The following MAPKAPK5 variants were observed in gnomAD, a reference collection of about 807,000 sequenced individuals.
MAPKAPK5 encodes the protein MAPK activated protein kinase 5, also known as MAP kinase-activated protein kinase 5.
Under a neutral mutation model 65.1 loss-of-function variants are expected in MAPKAPK5, and 30 were observed. The observed-to-expected ratio is 0.46, with a 90% confidence interval of 0.34 to 0.63. The LOEUF (loss-of-function observed/expected upper bound fraction) is 0.63, where lower values mean the gene tolerates loss of function less well. Ranked by LOEUF, MAPKAPK5 falls within the 20% of genes least tolerant of loss-of-function variation. MAPKAPK5 has a pLI of 0.01. For missense variants in MAPKAPK5, 433 were observed against 581.4 expected (o/e 0.74, Z 2.63); for synonymous variants, 179 against 204.6 (o/e 0.87, Z 1.07).
chr12:111,859,730 G>C (rs1239663009), intron 1 of MAPKAPK5, among the ~76,000 whole-genome samples: 2 of 149,996 alleles, frequency 1.3e-5, no homozygotes, highest in Non-Finnish European at 3.0e-5. Context: ...GCTCACTGCA[G>C]CCTCTGCCTC....
chr12:111,862,892 C>T (rs1555269660), intron 1 of MAPKAPK5, among the ~76,000 whole-genome samples: 1 of 152,154 alleles, frequency 6.6e-6, no homozygotes, highest in Non-Finnish European at 1.5e-5. Flanking sequence ...TGCTTCAACT[C>T]CCTCCTTCCC....
intron 1 of MAPKAPK5, among the ~76,000 whole-genome samples, chr12:111,851,948 A>T (rs1337849646): frequency 1.3e-5 from 2 of 152,204 alleles, no homozygotes; most frequent in Non-Finnish European, 2.9e-5. Flanking sequence ...GCTAATAGAC[A>T]CCACACCTGA....
chr12:111,894,854 CGCAGA>C lies in MAPKAPK5; in HGVS notation c.*1800_*1804del, dbSNP rs1302022870. 1 of 151,784 alleles carries C rather than the reference CGCAGA, an allele frequency of 6.6e-6. No homozygotes were observed. Among genetic ancestry groups the C allele is most frequent in the Non-Finnish European group, 1.5e-5 (1 of 67,998 alleles). 9.4% of individuals were successfully genotyped at this position (151,784 alleles called of 1,614,324 possible). A position where few individuals can be genotyped will look rare whatever the true frequency, so the allele number is the denominator to read the frequency against. On this transcript the variant is annotated 3_prime_UTR_variant, in exon 14 of 14. Transcript: ENST00000550735. ...AAAAGCTGGCAGGTAGACTCCAGCT[CGCAGA>C]GCAGAGGGAGAGGATAGTCATCTGT...
At chr12:111,857,303 A>G (rs556185529) in intron 1 of MAPKAPK5, among the ~76,000 whole-genome samples, 36 of 147,234 alleles carry the variant, frequency 2.4e-4, no homozygotes, top group African/African-American at 8.8e-4. Context: ...GTGCAGTGGT[A>G]TGATCTCGGC....
At chr12:111,884,473 A>G (rs1171918748) in intron 9 of MAPKAPK5, among the ~76,000 whole-genome samples, 1 of 152,202 alleles carries the variant, frequency 6.6e-6, no homozygotes, top group East Asian at 1.9e-4. Context: ...GGCCTTCCCA[A>G]GTGCTGGGAT....
intron 1 of MAPKAPK5, among the ~76,000 whole-genome samples, chr12:111,847,385 T>C (rs570073938): frequency 1.3e-5 from 2 of 151,358 alleles, no homozygotes; most frequent in Non-Finnish European, 2.9e-5. Flanking sequence ...CAAATGGCTG[T>C]AAGTGGAGGC....
At chr12:111,868,070 G>T (rs981530746) in intron 4 of MAPKAPK5, among the ~76,000 whole-genome samples, 5 of 152,194 alleles carry the variant, frequency 3.3e-5, no homozygotes, top group African/African-American at 1.2e-4. Flanking sequence ...TCTAGGCAGA[G>T]TCTTAGAGGC....
intron 7 of MAPKAPK5, among the ~76,000 whole-genome samples, chr12:111,875,603 G>T (rs538884528): frequency 6.6e-6 from 1 of 152,026 alleles, no homozygotes; most frequent in South Asian, 2.1e-4. Context: ...TGTTGGGCAG[G>T]ACCTGTGTTC....
chr12:111,866,165 A>T lies in MAPKAPK5; in HGVS notation c.120A>T (p.Val40=). 6.2e-7 allele frequency: 1 copy of T among 1,609,864 alleles called. No homozygotes were observed. Among genetic ancestry groups the T allele is most frequent in the Middle Eastern group, 1.7e-4 (1 of 6,058 alleles). Residue 40 remains valine, a synonymous_variant, in exon 3 of 14, where the codon GTA becomes GTT. Transcript: ENST00000550735. The part of the protein sequence containing the change: ...AGISGPVRVC[V]KKSTQERFAL... ...TTTTCTCCAAATCTAGAGTCTGTGT[A>T]AAGAAATCTACTCAAGAACGGTTTG...
At chr12:111,867,449 T>C (rs1043880232) in intron 3 of MAPKAPK5, 123 bp from the exon 4 acceptor site, 4 of 629,252 alleles carry the variant, frequency 6.4e-6, no homozygotes, top group African/African-American at 1.8e-5. Flanking sequence ...AACACTGGGT[T>C]TTTACATCAT....
At chr12:111,843,249 G>T (rs1203931985) in intron 1 of MAPKAPK5, 3 of 398,514 alleles carry the variant, frequency 7.5e-6, no homozygotes, top group Non-Finnish European at 1.3e-5. Context: ...TTGGGGAATA[G>T]GTTGTCCTCA....
At chr12:111,873,590 G>A (rs1418746538) in intron 7 of MAPKAPK5, among the ~76,000 whole-genome samples, 1 of 152,120 alleles carries the variant, frequency 6.6e-6, no homozygotes, top group Non-Finnish European at 1.5e-5. Context: ...TGATCCGCCT[G>A]CTTCGGCCTC....
In MAPKAPK5 at chr12:111,893,731, T is replaced by TA. The variant is rs1312166634; in HGVS notation, c.*670_*671insA. ...GTTTATTCTTTTTTTTTTTTTTTTTTTGAGACAGAGTCTTGCTGTTGTAGT... is the reference window on the plus strand; with the variant it reads ...GTTTATTCTTTTTTTTTTTTTTTTTTATGAGACAGAGTCTTGCTGTTGTAGT... On this transcript the variant is annotated 3_prime_UTR_variant, in exon 14 of 14. Coordinates refer to ENST00000550735, the MANE Select transcript of MAPKAPK5 (RefSeq NM_003668.4). 6.6e-6 allele frequency: 1 copy of TA among 151,346 alleles called. No homozygotes were observed. Among genetic ancestry groups the TA allele is most frequent in the Non-Finnish European group, 1.5e-5 (1 of 67,954 alleles). 9.4% of individuals were successfully genotyped at this position (151,346 alleles called of 1,614,324 possible).
At chr12:111,848,218 G>GT (rs1472290257) in intron 1 of MAPKAPK5, among the ~76,000 whole-genome samples, 1 of 152,050 alleles carries the variant, frequency 6.6e-6, no homozygotes, top group Non-Finnish European at 1.5e-5. Context: ...TGAAAGTCCT[G>GT]TTTTTTTCTA....
intron 1 of MAPKAPK5, among the ~76,000 whole-genome samples, chr12:111,862,089 T>G (rs975437762): frequency 2.0e-5 from 3 of 147,086 alleles, no homozygotes. Context: ...TCCTACCTTC[T>G]CCTTTGTCAT....
intron 1 of MAPKAPK5, among the ~76,000 whole-genome samples, chr12:111,863,332 A>G (rs2069503747): frequency 6.6e-6 from 1 of 152,156 alleles, no homozygotes; most frequent in Non-Finnish European, 1.5e-5. Context: ...CTTTCTAGTC[A>G]TTCATTCCAT....
chr12:111,871,947 T>C (rs1234430278), intron 7 of MAPKAPK5, among the ~76,000 whole-genome samples: 1 of 152,254 alleles, frequency 6.6e-6, no homozygotes, highest in Admixed American at 6.5e-5. Flanking sequence ...TCGTGGACTT[T>C]GTATGCTTCA....
chr12:111,857,671 C>G (rs1279302528), intron 1 of MAPKAPK5, among the ~76,000 whole-genome samples: 2 of 152,018 alleles, frequency 1.3e-5, no homozygotes, highest in East Asian at 1.9e-4. Flanking sequence ...TTTGATAATG[C>G]CTTTATTTCA....
At position 111,866,202 on chromosome 12, in the gene MAPKAPK5, C is replaced by A; in HGVS notation, c.157C>A (p.Leu53Ile). The change falls in exon 3 of 14, where the codon CTT becomes ATT. Residue 53 changes from leucine to isoleucine, a missense_variant. By Grantham distance (5) the Leu-to-Ile change is conservative. Transcript: ENST00000550735. Reference sequence around the variant, plus strand: ...TCAAGAACGGTTTGCGCTGAAAATTCTTCTTGATCGTCCAAAAGCTAGAAA... The same window carrying A: ...TCAAGAACGGTTTGCGCTGAAAATTATTCTTGATCGTCCAAAAGCTAGAAA... ...STQERFALKI[L>I]LDRPKARNEV... The A allele has an allele frequency of 1.9e-6, 3 of 1,612,334 alleles. No homozygotes were observed. Among genetic ancestry groups the A allele is most frequent in the Non-Finnish European group, 2.5e-6 (3 of 1,179,216 alleles).
Sources: allele counts gnomAD v4.1 joint callset (sites outside exome capture counted in the v4.1 genomes callset), GRCh38; gene constraint gnomAD v4.1.1; transcripts MANE v1.5; gene names NCBI Gene and HGNC (gene_info 2026-07-23, HGNC 2026-07-21).